CEP83: variants seen among roughly 807,000 people sequenced by gnomAD.
CEP83 encodes the protein centrosomal protein of 83 kDa.
Under a neutral mutation model 101.9 loss-of-function variants are expected in CEP83, and 70 were observed. That is an observed-to-expected ratio of 0.69 (90% CI 0.57 to 0.84). The LOEUF (loss-of-function observed/expected upper bound fraction) is 0.84, where lower values mean the gene tolerates loss of function less well. CEP83 is among the 40% of genes least tolerant of loss of function. The pLI, the probability that CEP83 is intolerant of heterozygous loss-of-function variation, is 0.00. For missense variants in CEP83, 715 were observed against 787.2 expected (o/e 0.91, Z 1.10); for synonymous variants, 264 against 267.9 (o/e 0.99, Z 0.14).
At chr12:94,303,683 AT>A (rs1407224624), downstream of CEP83, 1 of 1,263,850 alleles carries the variant, frequency 7.9e-7, no homozygotes, top group East Asian at 2.6e-5. Context: ...AATATTATAA[AT>A]TCCTCCATCT....
chr12:94,395,017 T>C (rs1053168142), intron 6 of CEP83, among the ~76,000 whole-genome samples: 5 of 152,202 alleles, frequency 3.3e-5, no homozygotes, highest in African/African-American at 4.8e-5. Context: ...CTTTACACTG[T>C]TGGTGGGAGT....
At chr12:94,426,953 TTCTAA>T in intron 2 of CEP83, among the ~76,000 whole-genome samples, 1 of 152,224 alleles carries the variant, frequency 6.6e-6, no homozygotes, top group Non-Finnish European at 1.5e-5. Context: ...GATTTCTGAC[TTCTAA>T]TCTCTAAAAT....
intron 1 of CEP83, among the ~76,000 whole-genome samples, chr12:94,441,682 G>A (rs574386791): frequency 2.0e-5 from 3 of 152,254 alleles, no homozygotes; most frequent in East Asian, 3.9e-4. Flanking sequence ...TTGGGAGGCC[G>A]AGGCGGGTGG....
chr12:94,346,917 A>G (rs1161382803), intron 11 of CEP83, among the ~76,000 whole-genome samples: 1 of 152,172 alleles, frequency 6.6e-6, no homozygotes, highest in Non-Finnish European at 1.5e-5. Flanking sequence ...ATGCACCTGT[A>G]GTCCCAGCTA....
At chr12:94,321,477 G>T (rs2058741609) in intron 14 of CEP83, among the ~76,000 whole-genome samples, 1 of 152,176 alleles carries the variant, frequency 6.6e-6, no homozygotes, top group Non-Finnish European at 1.5e-5. Flanking sequence ...CCTTCTGTCT[G>T]ATGGTTCCAT....
chr12:94,280,112 G>T, the CEP83 span: 1 of 321,224 alleles, frequency 3.1e-6, no homozygotes, highest in Non-Finnish European at 6.1e-6. Flanking sequence ...ATCTTCCTCT[G>T]CTAATCACAT....
the CEP83 span, chr12:94,279,476 T>C: frequency 6.2e-7 from 1 of 1,612,844 alleles, no homozygotes. Context: ...TTGCAGGCAT[T>C]AAACGTCGTC....
At chr12:94,367,267 A>G (rs1439823376) in intron 11 of CEP83, among the ~76,000 whole-genome samples, 3 of 152,174 alleles carry the variant, frequency 2.0e-5, no homozygotes, top group African/African-American at 7.2e-5. Context: ...TAGTAATTTT[A>G]TAGGGGAAAA....
chr12:94,410,361 T>C (rs962076588), intron 4 of CEP83, among the ~76,000 whole-genome samples: 7 of 152,244 alleles, frequency 4.6e-5, no homozygotes, highest in Non-Finnish European at 1.0e-4. Flanking sequence ...TTTATCCGCT[T>C]TACCACATGA....
chr12:94,450,933 G>A (rs2067205343), intron 1 of CEP83, among the ~76,000 whole-genome samples: 2 of 152,152 alleles, frequency 1.3e-5, no homozygotes, highest in African/African-American at 4.8e-5. Context: ...TACTTATTTT[G>A]AAACTTACTA....
At chr12:94,389,741 T>C (rs1260450106) in intron 6 of CEP83, among the ~76,000 whole-genome samples, 1 of 152,116 alleles carries the variant, frequency 6.6e-6, no homozygotes, top group Non-Finnish European at 1.5e-5. Flanking sequence ...ACAGACTACC[T>C]GGAAAAACAG....
the CEP83 span, among the ~76,000 whole-genome samples, chr12:94,283,361 A>G: frequency 1.3e-5 from 2 of 151,904 alleles, no homozygotes; most frequent in African/African-American, 4.9e-5. Flanking sequence ...TGAGAGGGGC[A>G]ATGGAGAGGG....
chr12:94,445,015 C>T (rs867990059), intron 1 of CEP83, among the ~76,000 whole-genome samples: 18 of 151,314 alleles, frequency 1.2e-4, no homozygotes, highest in Middle Eastern at 3.4e-3. Context: ...CACAAGGGAC[C>T]CAGAAGAGCC....
chr12:94,448,540 A>G (rs932557465), intron 1 of CEP83, among the ~76,000 whole-genome samples: 6 of 152,130 alleles, frequency 3.9e-5, no homozygotes, highest in Non-Finnish European at 8.8e-5. Context: ...GGGGCACAAG[A>G]CAAGTCTCAA....
the CEP83 span, chr12:94,297,283 C>T: frequency 1.2e-6 from 2 of 1,612,358 alleles, no homozygotes; most frequent in Non-Finnish European, 1.7e-6. Context: ...AGAGTGGTCT[C>T]CTTGGGTAAC....
chr12:94,398,366 C>T (rs1297650899), intron 6 of CEP83, among the ~76,000 whole-genome samples: 8 of 152,106 alleles, frequency 5.3e-5, no homozygotes, highest in Non-Finnish European at 1.5e-5. Context: ...AAGTCAGGGA[C>T]CCCAAATGGA....
intron 11 of CEP83, among the ~76,000 whole-genome samples, chr12:94,339,264 G>A (rs1488932983): frequency 6.6e-6 from 1 of 152,096 alleles, no homozygotes; most frequent in East Asian, 1.9e-4. Context: ...TATTTATTGA[G>A]TACCTATACA....
At chr12:94,334,354 A>T (rs1297582655) in intron 12 of CEP83, among the ~76,000 whole-genome samples, 5 of 152,094 alleles carry the variant, frequency 3.3e-5, no homozygotes, top group Non-Finnish European at 5.9e-5. Context: ...ACTTTTTCTC[A>T]TAAGAAGTCT....
chr12:94,398,670 A>C (rs777889781), intron 6 of CEP83, among the ~76,000 whole-genome samples: 1 of 152,214 alleles, frequency 6.6e-6, no homozygotes, highest in Non-Finnish European at 1.5e-5. Flanking sequence ...GACAACCATA[A>C]GGTCTGACTG....
Sources: allele counts gnomAD v4.1 joint callset (sites outside exome capture counted in the v4.1 genomes callset), GRCh38; gene constraint gnomAD v4.1.1; transcripts MANE v1.5; gene names NCBI Gene and HGNC (gene_info 2026-07-23, HGNC 2026-07-21).